The following PDSS2 variants were observed in gnomAD, a reference collection of about 807,000 sequenced individuals.
PDSS2 encodes all trans-polyprenyl-diphosphate synthase PDSS2.
A neutral mutation model predicts 44.5 loss-of-function variants in PDSS2; 31 were observed. The observed-to-expected ratio is 0.70, with a 90% confidence interval of 0.52 to 0.94. PDSS2 has a LOEUF of 0.94. Ranked by LOEUF, PDSS2 falls within the 40% of genes least tolerant of loss-of-function variation. The pLI, the probability that PDSS2 is intolerant of heterozygous loss-of-function variation, is 0.00. For missense variants in PDSS2, 452 were observed against 482.2 expected (o/e 0.94, Z 0.59); for synonymous variants, 157 against 180.3 (o/e 0.87, Z 1.03).
chr6:107,458,963 T>A (rs1160801081), intron 1 of PDSS2, 27 bp downstream of exon 1: 3 of 1,605,686 alleles, frequency 1.9e-6, no homozygotes, highest in Admixed American at 3.3e-5. Flanking sequence ...TGAGTGCGAG[T>A]GTGTCAGCGG....
intron 1 of PDSS2, among the ~76,000 whole-genome samples, chr6:107,402,995 C>A (rs1021583168): frequency 3.9e-5 from 6 of 152,096 alleles, no homozygotes; most frequent in African/African-American, 1.4e-4. Flanking sequence ...TTCCAACAGT[C>A]CCCCAAAGAC....
intron 1 of PDSS2, among the ~76,000 whole-genome samples, chr6:107,449,173 G>A (rs1407890495): frequency 6.6e-6 from 1 of 152,136 alleles, no homozygotes; most frequent in Non-Finnish European, 1.5e-5. Flanking sequence ...CATTGTCCCT[G>A]ACTCCAGAAA....
chr6:107,223,388 A>C (rs576616509), intron 4 of PDSS2, among the ~76,000 whole-genome samples: 66 of 150,944 alleles, frequency 4.4e-4, no homozygotes, highest in Admixed American at 3.0e-3. Flanking sequence ...AAAACAAGCC[A>C]GTTGTGGTGG....
At chr6:107,244,711 A>G (rs1209461149) in intron 4 of PDSS2, among the ~76,000 whole-genome samples, 1 of 152,214 alleles carries the variant, frequency 6.6e-6, no homozygotes, top group East Asian at 1.9e-4. Flanking sequence ...TTCACTTCTA[A>G]TAAAATTTAT....
chr6:107,276,081 C>T lies in PDSS2; in HGVS notation c.432-1854G>A, dbSNP rs566670803. On this transcript the variant is annotated intron_variant, in intron 2 of 7. Coordinates refer to ENST00000369037, the MANE Select transcript of PDSS2 (RefSeq NM_020381.4). The stretch of plus-strand genomic sequence containing the variant: ...TTATAGTGAACTGACTGCACTATTG[C>T]ACTCTAGCCTAGCACAGAGTGAGAC... 8.6e-5 allele frequency among the ~76,000 whole-genome samples: 11 copies of T among 128,584 alleles called. No homozygotes were observed. The East Asian group carries it at 2.8e-3, about 33-fold the overall frequency. 84.4% of individuals were successfully genotyped at this position (128,584 alleles called of 152,430 possible).
At chr6:107,288,753 GTTTT>G (rs35762837) in intron 2 of PDSS2, among the ~76,000 whole-genome samples, 1 of 72,740 alleles carries the variant, frequency 1.4e-5, no homozygotes. Context: ...GGACGAAATT[GTTTT>G]TTTTTTTTTT....
chr6:107,267,706 C>T (rs1326185920), intron 3 of PDSS2, among the ~76,000 whole-genome samples: 3 of 151,634 alleles, frequency 2.0e-5, no homozygotes, highest in Non-Finnish European at 2.9e-5. Flanking sequence ...CCACCTCAGC[C>T]TGCTGAGTAG....
intron 1 of PDSS2, among the ~76,000 whole-genome samples, chr6:107,366,043 T>G (rs994715341): frequency 6.6e-6 from 1 of 152,116 alleles, no homozygotes; most frequent in African/African-American, 2.4e-5. Flanking sequence ...ATCAACCAAC[T>G]TGATATAACT....
chr6:107,326,678 C>T (rs1276756602), intron 2 of PDSS2, among the ~76,000 whole-genome samples: 2 of 151,584 alleles, frequency 1.3e-5, no homozygotes, highest in African/African-American at 4.8e-5. Context: ...ACGGTGAAAC[C>T]CTGTCTCTAC....
At chr6:107,288,753 GTTTTTTTTTTT>G (rs35762837) in intron 2 of PDSS2, among the ~76,000 whole-genome samples, 1 of 72,740 alleles carries the variant, frequency 1.4e-5, no homozygotes, top group Admixed American at 1.8e-4. Context: ...GGACGAAATT[GTTTTTTTTTTT>G]TTTTTTTTTT....
chr6:107,155,094 G>A (rs549208805), intron 7 of PDSS2, among the ~76,000 whole-genome samples: 13 of 151,760 alleles, frequency 8.6e-5, no homozygotes, highest in Middle Eastern at 3.5e-3. Context: ...GAAGGCGGAG[G>A]GCATTTACAT....
At chr6:107,283,447 G>A (rs1451787413) in intron 2 of PDSS2, among the ~76,000 whole-genome samples, 6 of 152,170 alleles carry the variant, frequency 3.9e-5, no homozygotes, top group Admixed American at 2.0e-4. Context: ...TTGTCTGGGC[G>A]CGGTGGCTCA....
intron 1 of PDSS2, among the ~76,000 whole-genome samples, chr6:107,405,980 A>G (rs1780308351): frequency 6.6e-6 from 1 of 152,240 alleles, no homozygotes; most frequent in African/African-American, 2.4e-5. Context: ...GGTTATACCA[A>G]AAGCCTAGAC....
chr6:107,354,939 T>C (rs960127358), intron 1 of PDSS2, among the ~76,000 whole-genome samples: 7 of 152,088 alleles, frequency 4.6e-5, no homozygotes, highest in Non-Finnish European at 1.0e-4. Context: ...TTTTTCTATT[T>C]TTTTTTTTGA....
chr6:107,325,982 C>A (rs1202126075), intron 2 of PDSS2, among the ~76,000 whole-genome samples: 1 of 152,206 alleles, frequency 6.6e-6, no homozygotes, highest in Non-Finnish European at 1.5e-5. Flanking sequence ...AATACTACCA[C>A]TACTAGTGAC....
At chr6:107,200,769 C>T (rs575183472) in intron 6 of PDSS2, among the ~76,000 whole-genome samples, 2 of 152,106 alleles carry the variant, frequency 1.3e-5, no homozygotes, top group African/African-American at 4.8e-5. Context: ...CAGGTTCAGG[C>T]GATTCTCCTA....
At chr6:107,256,645 A>G (rs759168244) in intron 3 of PDSS2, among the ~76,000 whole-genome samples, 2 of 152,180 alleles carry the variant, frequency 1.3e-5, no homozygotes, top group Non-Finnish European at 2.9e-5. Flanking sequence ...AAATCCACAA[A>G]TCAATGGAAT....
At chr6:107,172,799 TA>T (rs1217047291) in intron 7 of PDSS2, among the ~76,000 whole-genome samples, 42 of 149,666 alleles carry the variant, frequency 2.8e-4, no homozygotes, top group African/African-American at 2.0e-4. Context: ...CTTTTTTTTT[TA>T]AAATGTGGCC....
chr6:107,327,206 T>A (rs1238367489), intron 2 of PDSS2, among the ~76,000 whole-genome samples: 3 of 152,142 alleles, frequency 2.0e-5, no homozygotes, highest in African/African-American at 7.2e-5. Context: ...GTCCAGCAGG[T>A]CCCTATGCTG....
Sources: allele counts gnomAD v4.1 joint callset (sites outside exome capture counted in the v4.1 genomes callset), GRCh38; gene constraint gnomAD v4.1.1; transcripts MANE v1.5; gene names NCBI Gene and HGNC (gene_info 2026-07-23, HGNC 2026-07-21).